CACNA2D1: variants seen among roughly 807,000 people sequenced by gnomAD.
CACNA2D1 encodes voltage-dependent calcium channel subunit alpha-2/delta-1.
Under a neutral mutation model 171.5 loss-of-function variants are expected in CACNA2D1, and 53 were observed. That is an observed-to-expected ratio of 0.31 (90% CI 0.25 to 0.39). The LOEUF is 0.39. Ranked by LOEUF, CACNA2D1 falls within the 10% of genes least tolerant of loss-of-function variation. The probability of loss-of-function intolerance (pLI) is 1.00; values close to 1 mark genes in which losing one functional copy is unlikely to be tolerated. For synonymous variants in CACNA2D1, 442 were observed against 443.1 expected, an observed-to-expected ratio of 1.00 and a Z score of 0.03; for missense variants, 903 against 1,299.8, an observed-to-expected ratio of 0.69 and a Z score of 4.69.
chr7:82,417,178 A>G (rs561839827), intron 1 of CACNA2D1, among the ~76,000 whole-genome samples: 2 of 152,316 alleles, frequency 1.3e-5, no homozygotes, highest in East Asian at 1.9e-4. Flanking sequence ...TGGCAGATGT[A>G]TTAGTGAGAT....
In CACNA2D1 at chr7:82,221,718, T is replaced by A. The variant is rs537700213; in HGVS notation, c.295-51109A>T. ...AAGATCCCACTACTGCACTCCAGCC[T>A]GGGCAACAGAGTGAGACTCCATCTC... On this transcript the variant is annotated intron_variant, in intron 3 of 38. Transcript: ENST00000356860. Among the ~76,000 whole-genome samples, 73 of 148,532 alleles carry A rather than the reference T, an allele frequency of 4.9e-4. No homozygotes were observed. The Middle Eastern group carries it at 0.01, about 21-fold the overall frequency.
In CACNA2D1 at chr7:81,970,701, A is replaced by C. The variant is rs749063276; in HGVS notation, c.2178T>G (p.Gly726=). 6.3e-7 allele frequency: 1 copy of C among 1,592,294 alleles called. No individual in the cohort carries two copies. Among genetic ancestry groups the C allele is most frequent in the Non-Finnish European group, 8.6e-7 (1 of 1,160,704 alleles). Residue 726 remains glycine, a synonymous_variant, in exon 27 of 39, where the codon GGT becomes GGG. Coordinates refer to ENST00000356860, the MANE Select transcript of CACNA2D1 (RefSeq NM_000722.4). ...CTTTGGGATAAACTCTGGTAATCCC[A>C]CCATCAGTCACAACAAATCGTGCTT... is the stretch of plus-strand genomic sequence containing the variant. The part of the protein sequence containing the change: ...GVKARFVVTD[G]GITRVYPKEA...
At chr7:82,064,230 T>A in intron 9 of CACNA2D1, 74 bp downstream of exon 9, 1 of 1,007,758 alleles carries the variant, frequency 9.9e-7, no homozygotes, top group Non-Finnish European at 1.6e-6. Flanking sequence ...CCTTTCTTAG[T>A]CCCACCATAC....
chr7:82,122,349 G>C (rs1789839594), intron 5 of CACNA2D1, among the ~76,000 whole-genome samples: 1 of 152,152 alleles, frequency 6.6e-6, no homozygotes, highest in Non-Finnish European at 1.5e-5. Flanking sequence ...GGATTATAAT[G>C]ATGCATTCAA....
chr7:81,951,917 GTT>G (rs1792563515), intron 38 of CACNA2D1, among the ~76,000 whole-genome samples: 1 of 128,352 alleles, frequency 7.8e-6, no homozygotes, highest in Admixed American at 8.3e-5. Context: ...TCACCATACT[GTT>G]TTCCATAGTG....
intron 10 of CACNA2D1, among the ~76,000 whole-genome samples, chr7:82,056,442 T>C (rs1805917863): frequency 6.6e-6 from 1 of 152,084 alleles, no homozygotes; most frequent in South Asian, 2.1e-4. Flanking sequence ...GAAAAGGCAC[T>C]AAACAATTGG....
chr7:82,407,332 A>G (rs1827166382), intron 1 of CACNA2D1, among the ~76,000 whole-genome samples: 1 of 152,234 alleles, frequency 6.6e-6, no homozygotes. Flanking sequence ...TCACTAAATA[A>G]GCAAAGTAAG....
chr7:82,271,510 T>C (rs1397894988), intron 3 of CACNA2D1, among the ~76,000 whole-genome samples: 1 of 152,174 alleles, frequency 6.6e-6, no homozygotes, highest in Non-Finnish European at 1.5e-5. Flanking sequence ...ATTTCACACA[T>C]GCTTGCTAAT....
intron 7 of CACNA2D1, among the ~76,000 whole-genome samples, chr7:82,068,775 G>A (rs1322964247): frequency 1.3e-5 from 2 of 151,790 alleles, no homozygotes; most frequent in Non-Finnish European, 2.9e-5. Context: ...TGAAAGTTAT[G>A]TTTCAATTAG....
At chr7:82,066,632 C>T (rs1011209226) in intron 7 of CACNA2D1, 108 bp from the exon 8 acceptor site, 41 of 1,431,542 alleles carry the variant, frequency 2.9e-5, no homozygotes, top group African/African-American at 5.8e-5. Flanking sequence ...ATTTCACTTA[C>T]GTACTTCAAT....
intron 4 of CACNA2D1, among the ~76,000 whole-genome samples, chr7:82,139,975 T>A (rs1377506426): frequency 1.4e-5 from 2 of 146,156 alleles, no homozygotes; most frequent in Non-Finnish European, 3.0e-5. Context: ...ATTATTATTA[T>A]TAACGGTGTT....
chr7:82,150,772 G>A (rs1793775824), intron 4 of CACNA2D1, among the ~76,000 whole-genome samples: 1 of 151,808 alleles, frequency 6.6e-6, no homozygotes, highest in African/African-American at 2.4e-5. Flanking sequence ...GTTTTTATAG[G>A]GCATAGATTA....
rs1015952735 is a variant in CACNA2D1, at chr7:82,223,198, G to A, written c.295-52589C>T. 2.6e-5 allele frequency among the ~76,000 whole-genome samples: 4 copies of A among 151,936 alleles called. No homozygotes were observed. The South Asian group carries it at 6.2e-4, about 24-fold the overall frequency. On this transcript the variant is annotated intron_variant, in intron 3 of 38. Coordinates refer to ENST00000356860, the MANE Select transcript of CACNA2D1 (RefSeq NM_000722.4). ...TGGGATTATAGGCCTGAGCCACCGC[G>A]CTCAGCCAGTACTTTGCTTCTAATG... is the stretch of plus-strand genomic sequence containing the variant.
chr7:82,180,831 G>A (rs6948100), intron 3 of CACNA2D1, among the ~76,000 whole-genome samples: 15,048 of 151,932 alleles, frequency 0.099, 896 homozygotes, highest in South Asian at 0.15. Context: ...CAGGTGGGGG[G>A]AAGAGGGACA....
chr7:82,034,654 T>C (rs1455112654), intron 11 of CACNA2D1, among the ~76,000 whole-genome samples: 3 of 152,048 alleles, frequency 2.0e-5, no homozygotes. Flanking sequence ...GATTTGTCTT[T>C]TTTATCTGCA....
At chr7:82,183,594 C>A (rs986551955) in intron 3 of CACNA2D1, among the ~76,000 whole-genome samples, 4 of 152,040 alleles carry the variant, frequency 2.6e-5, no homozygotes, top group Admixed American at 1.3e-4. Flanking sequence ...GAGAGAAATA[C>A]CCATTTCACA....
chr7:82,180,680 G>A (rs568899747), intron 3 of CACNA2D1, among the ~76,000 whole-genome samples: 72 of 152,208 alleles, frequency 4.7e-4, no homozygotes, highest in Admixed American at 1.6e-3. Context: ...CCTATGGGAC[G>A]GGTAAGATAC....
At chr7:81,996,857 A>G (rs1014484039) in intron 19 of CACNA2D1, among the ~76,000 whole-genome samples, 2 of 151,974 alleles carry the variant, frequency 1.3e-5, no homozygotes, top group Admixed American at 6.6e-5. Flanking sequence ...TTTCAACACT[A>G]TAACAACATC....
chr7:82,081,838 C>A (rs1159338106), intron 7 of CACNA2D1, among the ~76,000 whole-genome samples: 1 of 148,956 alleles, frequency 6.7e-6, no homozygotes, highest in Admixed American at 6.6e-5. Context: ...TGACTGTGCA[C>A]CCAGCCTCTG....
Sources: allele counts gnomAD v4.1 joint callset (sites outside exome capture counted in the v4.1 genomes callset), GRCh38; gene constraint gnomAD v4.1.1; transcripts MANE v1.5; gene names NCBI Gene and HGNC (gene_info 2026-07-23, HGNC 2026-07-21).